The following CCDC33 variants were observed in gnomAD, a reference collection of about 807,000 sequenced individuals.
CCDC33 encodes coiled-coil domain-containing protein 33.
Under a neutral mutation model 91.9 loss-of-function variants are expected in CCDC33, and 94 were observed. That is an observed-to-expected ratio of 1.02 (90% CI 0.87 to 1.21). The LOEUF is 1.21. Ranked by LOEUF, CCDC33 falls within the 50% of genes most tolerant of loss-of-function variation. The pLI is 0.00. For synonymous variants in CCDC33, 396 were observed against 374.5 expected, an observed-to-expected ratio of 1.06 and a Z score of -0.66; for missense variants, 940 against 935.5, an observed-to-expected ratio of 1.00 and a Z score of -0.06.
In CCDC33 at chr15:74,224,011, G is replaced by A. The variant is rs566426945; in HGVS notation, c.675+5150G>A. Among the ~76,000 whole-genome samples, 33 of 152,242 alleles carry A rather than the reference G, an allele frequency of 2.2e-4. No homozygotes were observed. The East Asian group carries it at 3.9e-3, about 18-fold the overall frequency. On this transcript the variant is annotated intron_variant, in intron 2 of 2. Coordinates refer to the CCDC33 transcript ENST00000635913. ...ACTCTGCCCCAGGCAGCTGAGCCCC[G>A]TTAAAAGCTACCTGAGGTTTCCCTT...
intron 10 of CCDC33, among the ~76,000 whole-genome samples, chr15:74,287,281 A>C (rs1283093174): frequency 6.6e-6 from 1 of 152,134 alleles, no homozygotes; most frequent in Non-Finnish European, 1.5e-5. Context: ...CTGTGAAAAC[A>C]CTACCATAAG....
At chr15:74,330,495 ACT>A in intron 12 of CCDC33, 141 bp downstream of exon 12, 1 of 1,133,798 alleles carries the variant, frequency 8.8e-7, no homozygotes. Context: ...GCCCACAGAC[ACT>A]CACACAGTCC....
At chr15:74,314,956 C>T (rs1212185255) in intron 11 of CCDC33, among the ~76,000 whole-genome samples, 3 of 152,244 alleles carry the variant, frequency 2.0e-5, no homozygotes, top group Admixed American at 1.3e-4. Context: ...CCAAAAGCAA[C>T]AGCAAAAACC....
intron 2 of CCDC33, among the ~76,000 whole-genome samples, chr15:74,249,347 G>T (rs964240590): frequency 1.3e-5 from 2 of 151,988 alleles, no homozygotes; most frequent in Non-Finnish European, 2.9e-5. Flanking sequence ...AATTAGCCGG[G>T]TGTGGTGGCG....
At chr15:74,271,232 A>G (rs78769883) in intron 5 of CCDC33, among the ~76,000 whole-genome samples, 3,667 of 152,108 alleles carry the variant, frequency 0.024, 136 homozygotes, top group African/African-American at 0.084. Context: ...TTCAGTTTAT[A>G]AAGTGCTCTC....
rs940462787 is a variant in CCDC33, at chr15:74,218,707, C to T, written c.521C>T (p.Thr174Met). Reference sequence around the variant, plus strand: ...AACCTGGCTCTGCTCCGGGCTAGCACGGACCCCACAGCCCGACACTGTGGG... The same window carrying T: ...AACCTGGCTCTGCTCCGGGCTAGCATGGACCCCACAGCCCGACACTGTGGG... Residue 174 changes from threonine (T) to methionine (M), a missense_variant, in exon 2 of 3, where the codon ACG (threonine) becomes ATG (methionine). By Grantham distance (81) the Thr-to-Met change is moderately conservative. Transcript: ENST00000635913. This position sits in a 1 kb window ranked among gnomAD's most constrained non-coding sequence, Gnocchi z 4.8. 28 of 1,289,846 alleles carry T rather than the reference C, an allele frequency of 2.2e-5. No homozygotes were observed. In the East Asian group the frequency reaches 3.9e-4, roughly 18 times the overall value. The allele number at this position is 1,289,846 out of a possible 1,614,324, so 79.9% of individuals were successfully genotyped here. A position where few individuals can be genotyped will look rare whatever the true frequency, so the allele number is the denominator to read the frequency against.
intron 2 of CCDC33, among the ~76,000 whole-genome samples, chr15:74,245,975 T>G (rs1340146569): frequency 5.3e-5 from 8 of 152,070 alleles, no homozygotes; most frequent in Admixed American, 5.2e-4. Context: ...GAAGGGGGCT[T>G]TCAGTGCTCA....
intron 11 of CCDC33, among the ~76,000 whole-genome samples, chr15:74,309,882 T>C (rs557533883): frequency 6.6e-6 from 1 of 152,314 alleles, no homozygotes; most frequent in East Asian, 1.9e-4. Context: ...GCGCAGTGGC[T>C]CACACCTGTA....
chr15:74,257,417 G>A (rs140892199), intron 2 of CCDC33, among the ~76,000 whole-genome samples: 1 of 152,314 alleles, frequency 6.6e-6, no homozygotes, highest in Non-Finnish European at 1.5e-5. Flanking sequence ...CCCTGCCTCA[G>A]ATCTCAGCTC....
intron 10 of CCDC33, among the ~76,000 whole-genome samples, chr15:74,294,123 G>A (rs1040611987): frequency 2.0e-5 from 3 of 152,180 alleles, no homozygotes; most frequent in Admixed American, 6.5e-5. Flanking sequence ...GTTGTTCAGG[G>A]TCAAACACCT....
intron 2 of CCDC33, among the ~76,000 whole-genome samples, chr15:74,219,952 T>A (rs751174567): frequency 6.6e-6 from 1 of 152,138 alleles, no homozygotes; most frequent in Non-Finnish European, 1.5e-5. Flanking sequence ...GGTGCTTCTC[T>A]CCCTGCAGTG....
chr15:74,218,421 C>T lies in CCDC33; in HGVS notation c.311-76C>T. 9 of 1,218,194 alleles carry T rather than the reference C, an allele frequency of 7.4e-6. No homozygotes were observed. Among genetic ancestry groups the T allele is most frequent in the Non-Finnish European group, 8.4e-6 (8 of 950,658 alleles). The allele number at this position is 1,218,194 out of a possible 1,614,324, so 75.5% of individuals were successfully genotyped here. A position where few individuals can be genotyped will look rare whatever the true frequency, so the allele number is the denominator to read the frequency against. ...GGGCAGCCCAGGTTTCCCCAGGGCC[C>T]TGCCTGTCCTCCTAGTCACCTGGCA... On this transcript the variant is annotated intron_variant, in intron 1 of 2. Transcript: ENST00000635913. The surrounding 1 kb of genome is among the most constrained non-coding windows in gnomAD (Gnocchi z 4.8).
intron 6 of CCDC33, among the ~76,000 whole-genome samples, chr15:74,272,055 G>C (rs2076332902): frequency 6.6e-6 from 1 of 152,212 alleles, no homozygotes; most frequent in African/African-American, 2.4e-5. Context: ...GAGGGCAGGT[G>C]GTGGGGATGA....
intron 11 of CCDC33, among the ~76,000 whole-genome samples, chr15:74,297,687 C>G (rs2059715296): frequency 6.6e-6 from 1 of 152,074 alleles, no homozygotes; most frequent in Non-Finnish European, 1.5e-5. Context: ...GAGCAACACC[C>G]TGTCTCAAGA....
chr15:74,284,400 G>C (rs2142518802), intron 10 of CCDC33, among the ~76,000 whole-genome samples: 1 of 152,294 alleles, frequency 6.6e-6, no homozygotes, highest in Non-Finnish European at 1.5e-5. Flanking sequence ...GGAAAGTGTT[G>C]AGAATTCATG....
chr15:74,320,017 G>A (rs1285008417), intron 11 of CCDC33, among the ~76,000 whole-genome samples: 2 of 152,122 alleles, frequency 1.3e-5, no homozygotes, highest in African/African-American at 4.8e-5. Context: ...TCCCTGGGAG[G>A]GCAGCTTCTG....
At chr15:74,288,925 T>C (rs1596038206) in intron 10 of CCDC33, among the ~76,000 whole-genome samples, 3 of 152,142 alleles carry the variant, frequency 2.0e-5, no homozygotes, top group Admixed American at 6.6e-5. Flanking sequence ...GCCAGGAACA[T>C]AGTGAAGATT....
At chr15:74,314,390 G>T (rs1278198580) in intron 11 of CCDC33, among the ~76,000 whole-genome samples, 1 of 152,220 alleles carries the variant, frequency 6.6e-6, no homozygotes, top group African/African-American at 2.4e-5. Context: ...CTGGGTGGGG[G>T]AAAGGCAGTG....
chr15:74,321,503 G>A (rs1177379653), intron 11 of CCDC33, among the ~76,000 whole-genome samples: 1 of 152,120 alleles, frequency 6.6e-6, no homozygotes, highest in Non-Finnish European at 1.5e-5. Flanking sequence ...GACCTCAGGT[G>A]ATCCACCTCC....
Sources: allele counts gnomAD v4.1 joint callset (sites outside exome capture counted in the v4.1 genomes callset), GRCh38; gene constraint gnomAD v4.1.1; non-coding constraint Gnocchi (gnomAD v3.1); transcripts MANE v1.5; gene names NCBI Gene and HGNC (gene_info 2026-07-23, HGNC 2026-07-21).